The following DHH variants were observed in gnomAD, a reference collection of about 807,000 sequenced individuals.
DHH encodes the protein desert hedgehog protein.
DHH carries 16 observed loss-of-function variants against 27.6 expected under a neutral mutation model. The ratio of observed to expected loss-of-function variants is 0.58; its 90% CI spans 0.39 to 0.88. The LOEUF is 0.88. DHH is among the 40% of genes least tolerant of loss of function. The pLI is 0.00. For synonymous variants in DHH, 289 were observed against 263.4 expected, an observed-to-expected ratio of 1.10 and a Z score of -0.94; for missense variants, 436 against 563.1, an observed-to-expected ratio of 0.77 and a Z score of 2.28.
rs772423591 is a variant in DHH, at chr12:49,090,390, G to A, written c.660C>T (p.His220=). 3 of 1,609,632 alleles carry A rather than the reference G, an allele frequency of 1.9e-6. No individual in the cohort carries two copies. The highest frequency in any genetic ancestry group is 2.2e-5 in the South Asian group (2 of 90,336). ...SGERKGLREL[H]RGDWVLAADA... ...CGGCCGCCAAAACCCAGTCTCCGCG[G>A]TGCAGTTCCCGCAGCCCTTTCCGCT... is the stretch of plus-strand genomic sequence containing the variant. The change falls in exon 3 of 3, where the codon CAC becomes CAT. Residue 220 remains histidine, a synonymous_variant. Transcript: ENST00000649637. The surrounding 1 kb of genome is among the most constrained non-coding windows in gnomAD (Gnocchi z 5.2).
chr12:49,086,801 T>C lies in DHH; in HGVS notation c.*3058A>G, dbSNP rs1939218309. ...GACATGAAGAGTCAACTTCTATATGTAAGGAAGTCTGGACTACTACAGAAA... is the reference window on the plus strand; with the variant it reads ...GACATGAAGAGTCAACTTCTATATGCAAGGAAGTCTGGACTACTACAGAAA... On this transcript the variant is annotated 3_prime_UTR_variant, in exon 3 of 3. Coordinates refer to ENST00000649637, the MANE Select transcript of DHH (RefSeq NM_021044.4). Among the ~76,000 whole-genome samples the C allele has an allele frequency of 6.6e-6, 1 of 152,230 alleles. No homozygotes were observed. The highest frequency in any genetic ancestry group is 1.5e-5 in the Non-Finnish European group (1 of 68,044).
At position 49,089,632 on chromosome 12, in the gene DHH, TA is replaced by T; in HGVS notation, c.*226del. 2.4e-6 allele frequency: 1 copy of T among 422,798 alleles called. No individual in the cohort carries two copies. Among genetic ancestry groups the T allele is most frequent in the Non-Finnish European group, 4.1e-6 (1 of 243,322 alleles). The allele number at this position is 422,798 out of a possible 1,614,324, so 26.2% of individuals were successfully genotyped here. On this transcript the variant is annotated 3_prime_UTR_variant, in exon 3 of 3. Transcript: ENST00000649637. ...GGGGCTGAAGCACTGGGGGAGAGGC[TA>T]AATAGTCCTCTTTAAGGAGTGCGCA...
At chr12:49,093,040 C>T (rs902988708) in intron 1 of DHH, 6 of 152,274 alleles carry the variant, frequency 3.9e-5, no homozygotes, top group African/African-American at 1.4e-4. Flanking sequence ...CCCACCTCCC[C>T]ACTCCATACA....
At position 49,089,860 on chromosome 12, in the gene DHH, C is replaced by G. The variant is rs1680823260; in HGVS notation, c.1190G>C (p.Ter397SerextTer5). 6.5e-7 allele frequency: 1 copy of G among 1,543,100 alleles called. No homozygotes were observed. The highest frequency in any genetic ancestry group is 8.8e-7 in the Non-Finnish European group (1 of 1,141,658). Residue 397 changes from the stop codon to serine (S), a stop_lost, in exon 3 of 3, where the codon TGA (stop) becomes TCA (serine). Coordinates refer to ENST00000649637, the MANE Select transcript of DHH (RefSeq NM_021044.4). ...LYRLAEELLG[*>S] ...TCGAGGTTTCTATGCCTGGGACGCT[C>G]AGCCCAGTAGCTCCTCCGCTAAGCG...
intron 1 of DHH, among the ~76,000 whole-genome samples, 176 bp downstream of exon 1, chr12:49,094,034 G>T (rs1939350346): frequency 6.6e-6 from 1 of 152,112 alleles, no homozygotes; most frequent in Admixed American, 6.5e-5. Context: ...GTCGGGAGCC[G>T]TCCTAATTAC....
At position 49,090,384 on chromosome 12, in the gene DHH, T is replaced by G. The variant is rs140092571; in HGVS notation, c.666A>C (p.Gly222=). ...ACGCATCGGCCGCCAAAACCCAGTC[T>G]CCGCGGTGCAGTTCCCGCAGCCCTT... The part of the protein sequence containing the change: ...ERKGLRELHR[G]DWVLAADASG... The change falls in exon 3 of 3, where the codon GGA becomes GGC. Residue 222 remains glycine, a synonymous_variant. Coordinates refer to ENST00000649637, the MANE Select transcript of DHH (RefSeq NM_021044.4). The surrounding 1 kb of genome is among the most constrained non-coding windows in gnomAD (Gnocchi z 5.2). The G allele has an allele frequency of 5.0e-6, 8 of 1,609,354 alleles. No homozygotes were observed. The African/African-American group carries it at 1.1e-4, about 21-fold the overall frequency.
chr12:49,089,226 G>A lies in DHH; in HGVS notation c.*633C>T, dbSNP rs927468018. Among the ~76,000 whole-genome samples, 1 of 152,242 alleles carries A rather than the reference G, an allele frequency of 6.6e-6. No homozygotes were observed. The highest frequency in any genetic ancestry group is 2.4e-5 in the African/African-American group (1 of 41,460). ...TGCTGGTCCTCTCTGGATGGGAGAC[G>A]GAAACAGCAGCCTGGAAAAGGGTAC... On this transcript the variant is annotated 3_prime_UTR_variant, in exon 3 of 3. Transcript: ENST00000649637.
rs1048938546 is a variant in DHH, at chr12:49,089,741, T to C, written c.*118A>G. 90 of 1,353,036 alleles carry C rather than the reference T, an allele frequency of 6.7e-5. No homozygotes were observed. The highest frequency in any genetic ancestry group is 7.9e-5 in the Non-Finnish European group (82 of 1,033,624). The allele number at this position is 1,353,036 out of a possible 1,614,324, so 83.8% of individuals were successfully genotyped here. A position where few individuals can be genotyped will look rare whatever the true frequency, so the allele number is the denominator to read the frequency against. On this transcript the variant is annotated 3_prime_UTR_variant, in exon 3 of 3. Transcript: ENST00000649637. ...CTAAGCCAGGCATAGCCCCATTTTCTCCCTCCCCCTCCCTCTCCCTCCCTT... is the reference window on the plus strand; with the variant it reads ...CTAAGCCAGGCATAGCCCCATTTTCCCCCTCCCCCTCCCTCTCCCTCCCTT...
chr12:49,089,870 G>A lies in DHH; in HGVS notation c.1180C>T (p.Leu394=), dbSNP rs768483670. The A allele has an allele frequency of 7.0e-6, 11 of 1,569,864 alleles. No homozygotes were observed. In the South Asian group the frequency reaches 1.2e-4, roughly 17 times the overall value. Residue 394 remains leucine (L), a synonymous_variant, in exon 3 of 3, where the codon CTA becomes TTA. Transcript: ENST00000649637. ...TATGCCTGGGACGCTCAGCCCAGTA[G>A]CTCCTCCGCTAAGCGGTAGAGGAGC... ...SRLLYRLAEE[L]LG
Position 49,094,478 on chromosome 12 carries a change from C to T in DHH, c.35G>A (p.Cys12Tyr), listed in dbSNP as rs1209677696. Residue 12 changes from cysteine to tyrosine, a missense_variant, in exon 1 of 3, where the codon TGC becomes TAC. Transcript: ENST00000649637. ...ALLTNLLPLC[C>Y]LALLALPAQS... ...GGCTGGCAGCGCCAGAAGTGCCAAG[C>T]AGCACAGGGGCAGTAGATTGGTCAG... 3.8e-6 allele frequency: 6 copies of T among 1,573,730 alleles called. No individual in the cohort carries two copies. The highest frequency in any genetic ancestry group is 5.2e-6 in the Non-Finnish European group (6 of 1,160,062).
At position 49,088,624 on chromosome 12, in the gene DHH, C is replaced by T. The variant is rs1939244949; in HGVS notation, c.*1235G>A. Among the ~76,000 whole-genome samples, 1 of 152,146 alleles carries T rather than the reference C, an allele frequency of 6.6e-6. No individual in the cohort carries two copies. The highest frequency in any genetic ancestry group is 1.5e-5 in the Non-Finnish European group (1 of 68,036). On this transcript the variant is annotated 3_prime_UTR_variant, in exon 3 of 3. Transcript: ENST00000649637. ...CCATTCCTAACTCAGGGGCACCTGC[C>T]TGCCTGGATTCCAGGTGTCTACTGC... is the stretch of plus-strand genomic sequence containing the variant.
chr12:49,092,116 C>G (rs1433772888), intron 1 of DHH: 1 of 152,818 alleles, frequency 6.5e-6, no homozygotes, highest in Admixed American at 6.5e-5. Context: ...TTCAGCCGCC[C>G]CGGCTCAGGG....
Position 49,090,598 on chromosome 12 carries a change from C to T in DHH, c.566-114G>A, listed in dbSNP as rs894181143. On this transcript the variant is annotated intron_variant, in intron 2 of 2. Coordinates refer to ENST00000649637, the MANE Select transcript of DHH (RefSeq NM_021044.4). This position sits in a 1 kb window ranked among gnomAD's most constrained non-coding sequence, Gnocchi z 5.2. ...ACAACACAATTTTCCGTTAATCTGA[C>T]TGGCCCCAACCTGGGCAGAAAAGGA... 7.0e-7 allele frequency: 1 copy of T among 1,419,208 alleles called. No individual in the cohort carries two copies. The highest frequency in any genetic ancestry group is 2.0e-5 in the Admixed American group (1 of 50,300). The allele number at this position is 1,419,208 out of a possible 1,614,324, so 87.9% of individuals were successfully genotyped here. A position where few individuals can be genotyped will look rare whatever the true frequency, so the allele number is the denominator to read the frequency against.
Position 49,089,856 on chromosome 12 carries a change from C to G in DHH, c.*3G>C, listed in dbSNP as rs1414165604. The G allele has an allele frequency of 1.3e-6, 2 of 1,537,426 alleles. No homozygotes were observed. Among genetic ancestry groups the G allele is most frequent in the East Asian group, 2.5e-5 (1 of 39,484 alleles). ...CGCTTCGAGGTTTCTATGCCTGGGACGCTCAGCCCAGTAGCTCCTCCGCTA... is the reference window on the plus strand; with the variant it reads ...CGCTTCGAGGTTTCTATGCCTGGGAGGCTCAGCCCAGTAGCTCCTCCGCTA... On this transcript the variant is annotated 3_prime_UTR_variant, in exon 3 of 3. Coordinates refer to ENST00000649637, the MANE Select transcript of DHH (RefSeq NM_021044.4).
rs377256875 is a variant in DHH at position 49,090,462 on chromosome 12, C to T, written c.588G>A (p.Ala196=). ...TTGCATTTCCCGGAAAGCAGCCGCC[C>T]GCCCGGACCGCCAGTGAGTTATCTG... ...VKADNSLAVR[A]GGCFPGNATV... The change falls in exon 3 of 3, where the codon GCG becomes GCA. Residue 196 remains alanine, a synonymous_variant. Transcript: ENST00000649637. This position sits in a 1 kb window ranked among gnomAD's most constrained non-coding sequence, Gnocchi z 5.2. 4.4e-6 allele frequency: 7 copies of T among 1,603,200 alleles called. No individual in the cohort carries two copies. The highest frequency in any genetic ancestry group is 4.0e-5 in the African/African-American group (3 of 74,888).
At position 49,089,898 on chromosome 12, in the gene DHH, A is replaced by G; in HGVS notation, c.1152T>C (p.Ser384=). The change falls in exon 3 of 3, where the codon TCT becomes TCC. Residue 384 remains serine, a synonymous_variant. Transcript: ENST00000649637. The part of the protein sequence containing the change: ...AVQPTGMHWY[S]RLLYRLAEEL... The stretch of plus-strand genomic sequence containing the variant: ...CCTCCGCTAAGCGGTAGAGGAGCCG[A>G]GAGTACCAATGCATGCCAGTCGGCT... 1 of 1,590,098 alleles carries G rather than the reference A, an allele frequency of 6.3e-7. No homozygotes were observed. The highest frequency in any genetic ancestry group is 8.6e-7 in the Non-Finnish European group (1 of 1,167,928).
In DHH at chr12:49,091,184, C is replaced by G; in HGVS notation, c.509G>C (p.Gly170Ala). ...GGACTCGTAGTAGACCCAGTCGAAG[C>G]CGGCTTCCACTGCGAGGCGCGCCAG... is the stretch of plus-strand genomic sequence containing the variant. Reference protein sequence around the residue: ...GLLARLAVEAGFDWVYYESRN... With the variant: ...GLLARLAVEAAFDWVYYESRN... Residue 170 changes from glycine to alanine, a missense_variant, in exon 2 of 3, where the codon GGC (glycine) becomes GCC (alanine). Transcript: ENST00000649637. This position sits in a 1 kb window ranked among gnomAD's most constrained non-coding sequence, Gnocchi z 4.8. 1 of 1,614,240 alleles carries G rather than the reference C, an allele frequency of 6.2e-7. No individual in the cohort carries two copies. Among genetic ancestry groups the G allele is most frequent in the South Asian group, 1.1e-5 (1 of 91,088 alleles).
intron 1 of DHH, chr12:49,092,089 C>A (rs556205565): frequency 6.5e-6 from 1 of 152,684 alleles, no homozygotes; most frequent in Non-Finnish European, 1.5e-5. Flanking sequence ...TCAGCAGCTC[C>A]GGCCACAAAG....
In DHH at chr12:49,087,214, A is replaced by G. The variant is rs1174293091; in HGVS notation, c.*2645T>C. On this transcript the variant is annotated 3_prime_UTR_variant, in exon 3 of 3. Transcript: ENST00000649637. ...TGGATTTTTTTTTTTTTTGAGAGTTAGGAGGGGCCTCAAAGGAATAAAGAT... is the reference window on the plus strand; with the variant it reads ...TGGATTTTTTTTTTTTTTGAGAGTTGGGAGGGGCCTCAAAGGAATAAAGAT... Among the ~76,000 whole-genome samples the G allele has an allele frequency of 6.7e-6, 1 of 149,980 alleles. No homozygotes were observed. The highest frequency in any genetic ancestry group is 1.5e-5 in the Non-Finnish European group (1 of 67,654).
Sources: gnomAD v4.1 joint callset for allele counts (sites outside exome capture counted in the v4.1 genomes callset) on GRCh38, gnomAD v4.1.1 for gene constraint, Gnocchi (gnomAD v3.1) non-coding constraint, MANE v1.5 for transcripts, NCBI Gene and HGNC (gene_info 2026-07-23, HGNC 2026-07-21) for gene names.